Variants in EXD3 observed in about 807,000 individuals in gnomAD.
EXD3 encodes the protein exonuclease 3'-5' domain containing 3, also known as exonuclease mut-7 homolog.
Under a neutral mutation model 98.0 loss-of-function variants are expected in EXD3, and 92 were observed. That is an observed-to-expected ratio of 0.94 (90% CI 0.79 to 1.12). EXD3 has a LOEUF of 1.12. Among genes scored for constraint, EXD3 ranks in the 50% most tolerant of loss-of-function variants. EXD3 has a pLI of 0.00. For missense variants in EXD3, 1,222 were observed against 1,191.6 expected, an observed-to-expected ratio of 1.03 and a Z score of -0.38; for synonymous variants, 569 against 526.0, an observed-to-expected ratio of 1.08 and a Z score of -1.12.
chr9:137,307,231 T>A lies in EXD3; in HGVS notation c.2350A>T (p.Thr784Ser). 6.4e-7 allele frequency: 1 copy of A among 1,566,082 alleles called. No individual in the cohort carries two copies. The highest frequency in any genetic ancestry group is 1.2e-5 in the South Asian group (1 of 85,530). Residue 784 changes from threonine to serine, a missense_variant, in exon 22 of 22, where the codon ACC (threonine) becomes TCC (serine). Transcript: ENST00000340951. ...AGCCAGCGGCAGGGGCGGTCATAGG[T>A]GCAGCCCTCAGGGGCTGCGTCTGGG... ...PAPDAAPEGC[T>S]YDRPCRWLQM...
chr9:137,383,491 GGGGGGCCGGGAACCCT>G, intron 2 of EXD3, 114 bp from the exon 3 acceptor site: 1 of 740,148 alleles, frequency 1.4e-6, no homozygotes, highest in Non-Finnish European at 2.2e-6. Flanking sequence ...CTCTGGACCC[GGGGGGCCGGGAACCCT>G]CCCCCACCTC....
intron 19 of EXD3, among the ~76,000 whole-genome samples, chr9:137,319,121 A>G (rs1298484980): frequency 1.3e-5 from 2 of 152,188 alleles, no homozygotes; most frequent in Non-Finnish European, 2.9e-5. Context: ...AGATCCTGTG[A>G]CCAAGCCCAG....
At chr9:137,401,524 T>C (rs980723137) in intron 1 of EXD3, among the ~76,000 whole-genome samples, 71 of 152,230 alleles carry the variant, frequency 4.7e-4, no homozygotes, top group Non-Finnish European at 2.5e-4. Flanking sequence ...CAGCAAACTT[T>C]TGCCTGGACA....
At chr9:137,379,175 C>T (rs1339702548) in intron 3 of EXD3, among the ~76,000 whole-genome samples, 6 of 117,430 alleles carry the variant, frequency 5.1e-5, no homozygotes, top group Non-Finnish European at 3.5e-5. Flanking sequence ...TGCCTGGGGC[C>T]GAGGGGAATG....
At chr9:137,339,792 C>T (rs1833553833) in intron 17 of EXD3, among the ~76,000 whole-genome samples, 2 of 152,170 alleles carry the variant, frequency 1.3e-5, no homozygotes, top group South Asian at 4.1e-4. Context: ...GAGCAACCAC[C>T]TTACTTCATG....
intron 7 of EXD3, among the ~76,000 whole-genome samples, chr9:137,362,959 A>G (rs1043151360): frequency 1.3e-5 from 2 of 151,088 alleles, no homozygotes; most frequent in Non-Finnish European, 3.0e-5. Context: ...TATAGGCATG[A>G]GCCACCACAC....
At position 137,307,073 on chromosome 9, in the gene EXD3, T is replaced by G; in HGVS notation, c.2508A>C (p.Gly836=). The G allele has an allele frequency of 6.2e-7, 1 of 1,611,532 alleles. No individual in the cohort carries two copies. The highest frequency in any genetic ancestry group is 8.5e-7 in the Non-Finnish European group (1 of 1,179,446). ...GGTGGGAGCCGTCCCAGAAGACCTT[T>G]CCACAGCCCGTGCAGCAGTAGAAGC... The part of the protein sequence containing the change: ...LRCFYCCTGC[G]KVFWDGSHLG... The change falls in exon 22 of 22, where the codon GGA becomes GGC. Residue 836 remains glycine, a synonymous_variant. Coordinates refer to ENST00000340951, the MANE Select transcript of EXD3 (RefSeq NM_017820.5).
intron 2 of EXD3, among the ~76,000 whole-genome samples, chr9:137,388,467 G>A (rs552830803): frequency 1.3e-5 from 2 of 152,294 alleles, no homozygotes; most frequent in East Asian, 3.9e-4. Context: ...GACGCACGCG[G>A]GAAACTGTGG....
intron 2 of EXD3, among the ~76,000 whole-genome samples, chr9:137,384,960 C>T (rs1327467056): frequency 2.6e-5 from 4 of 152,106 alleles, no homozygotes; most frequent in African/African-American, 2.4e-5. Flanking sequence ...GGCATGGTGG[C>T]GGGTGCCTGT....
At chr9:137,321,918 C>G (rs1013106060) in intron 19 of EXD3, among the ~76,000 whole-genome samples, 1 of 152,306 alleles carries the variant, frequency 6.6e-6, no homozygotes, top group East Asian at 1.9e-4. Flanking sequence ...TCCCCCCAGA[C>G]TGGCCATGCC....
chr9:137,355,363 C>A (rs921111157), intron 8 of EXD3, among the ~76,000 whole-genome samples: 2 of 151,642 alleles, frequency 1.3e-5, no homozygotes, highest in Non-Finnish European at 2.9e-5. Context: ...CCCCACCCCC[C>A]ACGCCCAGAG....
At chr9:137,314,345 A>T (rs1167345709) in intron 19 of EXD3, among the ~76,000 whole-genome samples, 1 of 152,152 alleles carries the variant, frequency 6.6e-6, no homozygotes, top group Non-Finnish European at 1.5e-5. Flanking sequence ...TTGCCAAAAG[A>T]ACCTGGCCAG....
rs535116141 is a variant in EXD3, at chr9:137,411,124, C to T, written c.-48+11990G>A. ...CCACCGCAGAACCTGTAGCAGATTCCGGCTGAGGCCCCGAGGCCGGCCCCC... is the reference window on the plus strand; with the variant it reads ...CCACCGCAGAACCTGTAGCAGATTCTGGCTGAGGCCCCGAGGCCGGCCCCC... On this transcript the variant is annotated intron_variant, in intron 1 of 21. Transcript: ENST00000340951. Among the ~76,000 whole-genome samples, 12 of 152,328 alleles carry T rather than the reference C, an allele frequency of 7.9e-5. No homozygotes were observed. In the South Asian group the frequency reaches 1.0e-3, roughly 13 times the overall value.
chr9:137,307,577 T>G (rs1479613546), intron 21 of EXD3, 31 bp downstream of exon 21: 1 of 1,607,860 alleles, frequency 6.2e-7, no homozygotes, highest in Non-Finnish European at 8.5e-7. Flanking sequence ...GAGAAGCAGC[T>G]GTGTCCTTGG....
chr9:137,339,970 C>T (rs757573511), intron 17 of EXD3, among the ~76,000 whole-genome samples: 4 of 152,154 alleles, frequency 2.6e-5, no homozygotes, highest in Admixed American at 6.5e-5. Flanking sequence ...ATGACGTGTA[C>T]GAACAGAACC....
intron 20 of EXD3, 65 bp from the exon 21 acceptor site, chr9:137,307,711 G>T: frequency 1.3e-6 from 2 of 1,576,774 alleles, no homozygotes; most frequent in Non-Finnish European, 1.7e-6. Context: ...AGCCAGCGGG[G>T]TCCATGACGC....
intron 17 of EXD3, among the ~76,000 whole-genome samples, chr9:137,328,651 A>T (rs376057468): frequency 6.0e-5 from 3 of 50,348 alleles, no homozygotes; most frequent in African/African-American, 2.8e-4. Flanking sequence ...GCTACACGGG[A>T]CTACACGGGA....
intron 2 of EXD3, chr9:137,392,859 C>A: frequency 2.3e-6 from 1 of 432,204 alleles, no homozygotes; most frequent in South Asian, 2.0e-5. Flanking sequence ...CAGGGGGCAC[C>A]GAGGCTGTTC....
In EXD3 at chr9:137,395,405, C is replaced by G. The variant is rs1258814707; in HGVS notation, c.-47-1G>C. 1 of 1,612,882 alleles carries G rather than the reference C, an allele frequency of 6.2e-7. No individual in the cohort carries two copies. The highest frequency in any genetic ancestry group is 8.5e-7 in the Non-Finnish European group (1 of 1,179,720). On this transcript the variant is annotated splice_acceptor_variant, in intron 1 of 21. Transcript: ENST00000340951. LOFTEE classifies it low-confidence loss of function (5UTR_SPLICE). This position sits in a 1 kb window ranked among gnomAD's most constrained non-coding sequence, Gnocchi z 6.5. ...CTGGCAGGCAGCTAGGAACGAGGAT[C>G]TGCAGAAACAGACAATCAGGTGAAT... is the stretch of plus-strand genomic sequence containing the variant.
Sources: allele counts gnomAD v4.1 joint callset (sites outside exome capture counted in the v4.1 genomes callset), GRCh38; gene constraint gnomAD v4.1.1; non-coding constraint Gnocchi (gnomAD v3.1); transcripts MANE v1.5; gene names NCBI Gene and HGNC (gene_info 2026-07-23, HGNC 2026-07-21).